The following SPATS2L variants were observed in gnomAD, a reference collection of about 807,000 sequenced individuals.
The protein encoded by SPATS2L is SPATS2-like protein.
In SPATS2L, 30 loss-of-function variants were observed where a neutral mutation model predicts 59.6. The observed-to-expected ratio is 0.50, with a 90% CI of 0.38 to 0.68. SPATS2L has a LOEUF of 0.68. SPATS2L is among the 30% of genes least tolerant of loss of function. SPATS2L has a pLI of 0.00. For missense variants in SPATS2L, 615 were observed against 700.0 expected, an observed-to-expected ratio of 0.88 and a Z score of 1.37; for synonymous variants, 252 against 263.5, an observed-to-expected ratio of 0.96 and a Z score of 0.42.
At chr2:200,393,818 C>T (rs1160662336) in intron 3 of SPATS2L, among the ~76,000 whole-genome samples, 1 of 152,140 alleles carries the variant, frequency 6.6e-6, no homozygotes, top group Non-Finnish European at 1.5e-5. Context: ...AGATTACAAG[C>T]TTGTAGAGAT....
intron 1 of SPATS2L, among the ~76,000 whole-genome samples, chr2:200,319,947 A>T (rs1201308083): frequency 6.6e-6 from 1 of 152,186 alleles, no homozygotes; most frequent in Admixed American, 6.5e-5. Context: ...TAAAATTTTT[A>T]AATTCGATAT....
At chr2:200,396,064 A>ATG (rs2082342444) in intron 3 of SPATS2L, among the ~76,000 whole-genome samples, 1 of 70,094 alleles carries the variant, frequency 1.4e-5, no homozygotes, top group African/African-American at 4.4e-5. Flanking sequence ...ATATATATAT[A>ATG]TATTTTCCCA....
At chr2:200,440,564 G>A (rs2084627812) in intron 7 of SPATS2L, 85 bp from the exon 8 acceptor site, 1 of 1,307,302 alleles carries the variant, frequency 7.6e-7, no homozygotes, top group Non-Finnish European at 1.1e-6. Context: ...TTTTTCTGGT[G>A]GGCTAATTGC....
chr2:200,438,920 CT>C (rs1668964501), intron 6 of SPATS2L, among the ~76,000 whole-genome samples: 1 of 152,160 alleles, frequency 6.6e-6, no homozygotes, highest in Non-Finnish European at 1.5e-5. Context: ...ATGCCCAGGT[CT>C]TTCTACTCAA....
intron 1 of SPATS2L, among the ~76,000 whole-genome samples, chr2:200,325,977 C>T (rs1253339304): frequency 6.6e-6 from 1 of 152,142 alleles, no homozygotes; most frequent in Non-Finnish European, 1.5e-5. Flanking sequence ...AATATTTCAC[C>T]TCTCACAGGC....
chr2:200,396,033 A>AAAAAAAAATATATATATATATATAT (rs1553520464), intron 3 of SPATS2L, among the ~76,000 whole-genome samples: 1 of 21,136 alleles, frequency 4.7e-5, no homozygotes, highest in Non-Finnish European at 9.0e-5. Flanking sequence ...AAAAAAAAAA[A>AAAAAAAAATATATATATATATATAT]ATATATATAT....
intron 2 of SPATS2L, among the ~76,000 whole-genome samples, chr2:200,343,571 C>T (rs1217995543): frequency 1.3e-5 from 2 of 152,044 alleles, no homozygotes; most frequent in Admixed American, 1.3e-4. Flanking sequence ...AATATATTTA[C>T]TGTTTTATTT....
In SPATS2L at chr2:200,351,531, T is replaced by C. The variant is rs74876161; in HGVS notation, c.-23+22051T>C. 7.4e-3 allele frequency among the ~76,000 whole-genome samples: 1,124 copies of C among 152,366 alleles called. 6 individuals are homozygous for C. The highest frequency in any genetic ancestry group is 0.012 in the Non-Finnish European group (826 of 68,034). Reference sequence around the variant, plus strand: ...TCAGTAACTTTTCTCCAACACCTGATGTATTTTGGTTAATACTAAATTATT... The same window carrying C: ...TCAGTAACTTTTCTCCAACACCTGACGTATTTTGGTTAATACTAAATTATT... On this transcript the variant is annotated intron_variant, in intron 2 of 12. Transcript: ENST00000409140.
At chr2:200,416,588 C>T (rs2083070152) in intron 5 of SPATS2L, among the ~76,000 whole-genome samples, 160 bp downstream of exon 5, 1 of 152,154 alleles carries the variant, frequency 6.6e-6, no homozygotes. Flanking sequence ...TTAGCAGATA[C>T]TCTCAGATAC....
intron 3 of SPATS2L, among the ~76,000 whole-genome samples, chr2:200,403,946 A>G (rs1039859009): frequency 5.9e-5 from 9 of 151,826 alleles, no homozygotes; most frequent in Admixed American, 3.3e-4. Flanking sequence ...GTTTCCATAA[A>G]TTTTCCCCTT....
chr2:200,354,586 C>T (rs1470786385), intron 2 of SPATS2L, among the ~76,000 whole-genome samples: 4 of 150,882 alleles, frequency 2.7e-5, no homozygotes, highest in African/African-American at 4.9e-5. Context: ...TCAGCCTGGG[C>T]GACAGAGCAA....
chr2:200,325,137 A>G (rs2079692375), intron 1 of SPATS2L, among the ~76,000 whole-genome samples: 1 of 152,184 alleles, frequency 6.6e-6, no homozygotes, highest in Non-Finnish European at 1.5e-5. Flanking sequence ...GGAATCTATA[A>G]TCTTGTACCT....
chr2:200,320,825 G>GT (rs896585397), intron 1 of SPATS2L, among the ~76,000 whole-genome samples: 14 of 152,026 alleles, frequency 9.2e-5, no homozygotes, highest in African/African-American at 3.4e-4. Context: ...GTACAAAATA[G>GT]TTTTTTTAAA....
At chr2:200,410,682 C>A (rs1321166219) in intron 3 of SPATS2L, among the ~76,000 whole-genome samples, 1 of 152,088 alleles carries the variant, frequency 6.6e-6, no homozygotes, top group Non-Finnish European at 1.5e-5. Context: ...ATCCTCCATC[C>A]AGGTCTCAGT....
rs1186497860 is a variant in SPATS2L at position 200,389,404 on chromosome 2, T to G, written c.39+121T>G. 4 of 654,978 alleles carry G rather than the reference T, an allele frequency of 6.1e-6. No homozygotes were observed. In the African/African-American group the frequency reaches 7.3e-5, roughly 12 times the overall value. 40.6% of individuals were successfully genotyped at this position (654,978 alleles called of 1,614,324 possible). A position where few individuals can be genotyped will look rare whatever the true frequency, so the allele number is the denominator to read the frequency against. ...TGGTTTTGGGGGATACGTAGTAAGT[T>G]TGCCACAACAGTAAACTGTTCAGCA... On this transcript the variant is annotated intron_variant, in intron 3 of 12. Coordinates refer to ENST00000409140, the MANE Select transcript of SPATS2L (RefSeq NM_001100423.2).
chr2:200,378,861 A>G (rs1377693764), intron 2 of SPATS2L, among the ~76,000 whole-genome samples: 1 of 152,162 alleles, frequency 6.6e-6, no homozygotes, highest in Non-Finnish European at 1.5e-5. Context: ...ACCACAATCC[A>G]TGTTTTCTTT....
At chr2:200,425,207 T>G (rs2083497765) in intron 6 of SPATS2L, among the ~76,000 whole-genome samples, 1 of 140,558 alleles carries the variant, frequency 7.1e-6, no homozygotes, top group African/African-American at 2.6e-5. Context: ...ACAGTATCAT[T>G]GTGGTAGGCG....
intron 12 of SPATS2L, among the ~76,000 whole-genome samples, chr2:200,475,874 C>T (rs1436863090): frequency 6.6e-6 from 1 of 152,166 alleles, no homozygotes; most frequent in Admixed American, 6.5e-5. Flanking sequence ...TATGTTACAA[C>T]TTAAGAGTCT....
chr2:200,322,594 G>A (rs2079601250), intron 1 of SPATS2L, among the ~76,000 whole-genome samples: 3 of 152,148 alleles, frequency 2.0e-5, no homozygotes, highest in Admixed American at 1.3e-4. Flanking sequence ...TCAGCCATTC[G>A]GAACATTTCT....
Sources: gnomAD v4.1 joint callset for allele counts (sites outside exome capture counted in the v4.1 genomes callset) on GRCh38, gnomAD v4.1.1 for gene constraint, MANE v1.5 for transcripts, NCBI Gene and HGNC (gene_info 2026-07-23, HGNC 2026-07-21) for gene names.